Variants in STXBP6 observed in about 807,000 individuals in gnomAD.
The protein encoded by STXBP6 is syntaxin-binding protein 6.
STXBP6 carries 21 observed loss-of-function variants against 26.9 expected under a neutral mutation model. The observed-to-expected ratio is 0.78, with a 90% CI of 0.55 to 1.12. STXBP6 has a LOEUF of 1.12. Ranked by LOEUF, STXBP6 falls within the 50% of genes most tolerant of loss-of-function variation. The pLI, the probability that STXBP6 is intolerant of heterozygous loss-of-function variation, is 0.00. For synonymous variants in STXBP6, 97 were observed against 92.6 expected, an observed-to-expected ratio of 1.05 and a Z score of -0.27; for missense variants, 232 against 257.9, an observed-to-expected ratio of 0.90 and a Z score of 0.69.
chr14:24,858,280 A>G (rs1437433511), intron 2 of STXBP6, among the ~76,000 whole-genome samples: 2 of 152,050 alleles, frequency 1.3e-5, no homozygotes, highest in Non-Finnish European at 2.9e-5. Flanking sequence ...AGCTTATTGC[A>G]GTTTCATTGT....
chr14:24,825,684 G>A (rs2068260292), intron 4 of STXBP6, among the ~76,000 whole-genome samples: 1 of 152,134 alleles, frequency 6.6e-6, no homozygotes, highest in South Asian at 2.1e-4. Context: ...AAAGTCTCAG[G>A]AAAAAGCCCA....
chr14:24,901,856 G>T (rs553857420), intron 2 of STXBP6, among the ~76,000 whole-genome samples: 1 of 152,176 alleles, frequency 6.6e-6, no homozygotes, highest in East Asian at 1.9e-4. Context: ...CTGATGATAG[G>T]GGCTACTGAC....
intron 1 of STXBP6, among the ~76,000 whole-genome samples, chr14:24,986,343 T>C (rs1595256359): frequency 6.6e-6 from 1 of 152,180 alleles, no homozygotes; most frequent in African/African-American, 2.4e-5. Context: ...AGACTAACTC[T>C]GGCCAAGCTC....
chr14:24,852,881 A>G (rs918911691), intron 4 of STXBP6, among the ~76,000 whole-genome samples: 9 of 152,134 alleles, frequency 5.9e-5, no homozygotes, highest in Admixed American at 5.9e-4. Flanking sequence ...TAAGGAGCCA[A>G]TAAGTGGGCC....
intron 2 of STXBP6, among the ~76,000 whole-genome samples, chr14:24,954,736 A>C (rs1324624917): frequency 1.3e-5 from 2 of 152,228 alleles, no homozygotes; most frequent in Admixed American, 6.5e-5. Flanking sequence ...AAGGCAGTAA[A>C]ATAGTCAACC....
chr14:24,950,274 A>T (rs552797437), intron 2 of STXBP6, among the ~76,000 whole-genome samples: 1 of 152,262 alleles, frequency 6.6e-6, no homozygotes, highest in East Asian at 1.9e-4. Flanking sequence ...TCTGTTTGGT[A>T]TTATACACAG....
chr14:24,928,253 C>G (rs887095964), intron 2 of STXBP6, among the ~76,000 whole-genome samples: 4 of 152,132 alleles, frequency 2.6e-5, no homozygotes, highest in African/African-American at 9.7e-5. Flanking sequence ...GCTCCCCCAG[C>G]ACTACCATGG....
rs2069320178 is a variant in STXBP6 at position 24,856,037 on chromosome 14, G to T, written c.350C>A (p.Ser117Ter). Residue 117 changes from serine (S) to a stop codon, truncating the protein, a stop_gained, in exon 4 of 6, where the codon TCA (serine) becomes TAA (stop). Transcript: ENST00000323944. LOFTEE classifies it high-confidence loss of function. ...AFDQWVASTA[S>*]EKCTFFQILH... ...GATCTGGAAGAAGGTGCATTTTTCT[G>T]ACGCTGTGCTGGCTACCCACTGGTC... The T allele has an allele frequency of 6.2e-7, 1 of 1,611,456 alleles. No individual in the cohort carries two copies. The highest frequency in any genetic ancestry group is 1.1e-5 in the South Asian group (1 of 90,838).
Position 25,049,553 on chromosome 14 carries a change from C to T in STXBP6, c.-33+325G>A, listed in dbSNP as rs2075773534. ...CGCGGGGACGGTGCGGAAAAAAAGG[C>T]TCCATCCTCAACTTTCTCGGAGGAA... On this transcript the variant is annotated intron_variant, in intron 1 of 5. Transcript: ENST00000323944. The surrounding 1 kb of genome is among the most constrained non-coding windows in gnomAD (Gnocchi z 5.6). 7 of 985,412 alleles carry T rather than the reference C, an allele frequency of 7.1e-6. No individual in the cohort carries two copies. In the South Asian group the frequency reaches 2.8e-4, roughly 40 times the overall value. 61.0% of individuals were successfully genotyped at this position (985,412 alleles called of 1,614,324 possible).
chr14:25,048,766 G>C (rs873102), intron 1 of STXBP6, among the ~76,000 whole-genome samples: 1 of 151,972 alleles, frequency 6.6e-6, no homozygotes, highest in Non-Finnish European at 1.5e-5. Context: ...CTCTGACTAG[G>C]GCGCAGCTCT....
At chr14:25,013,986 C>A (rs1365101822) in intron 1 of STXBP6, among the ~76,000 whole-genome samples, 1 of 152,064 alleles carries the variant, frequency 6.6e-6, no homozygotes, top group East Asian at 1.9e-4. Context: ...GAGTCCTTAT[C>A]TTTTAGAGAT....
intron 1 of STXBP6, among the ~76,000 whole-genome samples, chr14:24,984,719 G>A (rs1310352955): frequency 3.3e-5 from 5 of 152,164 alleles, no homozygotes; most frequent in Non-Finnish European, 4.4e-5. Context: ...TGACATAAGA[G>A]ATGTATATAC....
intron 4 of STXBP6, among the ~76,000 whole-genome samples, chr14:24,849,908 T>C (rs533816428): frequency 1.3e-5 from 2 of 152,276 alleles, no homozygotes; most frequent in African/African-American, 4.8e-5. Flanking sequence ...CATGACTTTA[T>C]TCTTGAGAAA....
intron 2 of STXBP6, among the ~76,000 whole-genome samples, chr14:24,886,680 T>G (rs1450799359): frequency 1.3e-5 from 2 of 152,222 alleles, no homozygotes; most frequent in African/African-American, 4.8e-5. Context: ...GCCAACACTT[T>G]GTGCAGTCTG....
rs919606011 is a variant in STXBP6, at chr14:24,811,812, C to T, written c.*897G>A. 3 of 152,150 alleles carry T rather than the reference C, an allele frequency of 2.0e-5. No individual in the cohort carries two copies. Among genetic ancestry groups the T allele is most frequent in the Non-Finnish European group, 4.4e-5 (3 of 68,030 alleles). The allele number at this position is 152,150 out of a possible 1,614,324, so 9.4% of individuals were successfully genotyped here. A position where few individuals can be genotyped will look rare whatever the true frequency, so the allele number is the denominator to read the frequency against. On this transcript the variant is annotated 3_prime_UTR_variant, in exon 6 of 6. Transcript: ENST00000323944. Reference sequence around the variant, plus strand: ...AGACAAGACAAACATTTTAAATGTACTACTTGTTCACATTATCATTGACAC... The same window carrying T: ...AGACAAGACAAACATTTTAAATGTATTACTTGTTCACATTATCATTGACAC...
At chr14:24,910,051 C>T (rs1295037201) in intron 2 of STXBP6, among the ~76,000 whole-genome samples, 1 of 151,892 alleles carries the variant, frequency 6.6e-6, no homozygotes, top group Non-Finnish European at 1.5e-5. Context: ...CTGATCACAC[C>T]TCCTACCACT....
intron 1 of STXBP6, among the ~76,000 whole-genome samples, chr14:25,002,442 C>T (rs1595293517): frequency 1.4e-5 from 2 of 147,190 alleles, no homozygotes; most frequent in East Asian, 2.0e-4. Flanking sequence ...TCTCTGCAAC[C>T]TCCACCTCCT....
intron 2 of STXBP6, among the ~76,000 whole-genome samples, chr14:24,969,731 A>C (rs2073844563): frequency 6.6e-6 from 1 of 152,220 alleles, no homozygotes; most frequent in Non-Finnish European, 1.5e-5. Context: ...CAAGAATGAA[A>C]AGATAGCACA....
chr14:24,921,019 C>T (rs1439765395), intron 2 of STXBP6, among the ~76,000 whole-genome samples: 2 of 152,068 alleles, frequency 1.3e-5, no homozygotes, highest in Non-Finnish European at 2.9e-5. Context: ...GGGTTTAATA[C>T]TTAATAAATC....
Sources: gnomAD v4.1 joint callset for allele counts (sites outside exome capture counted in the v4.1 genomes callset) on GRCh38, gnomAD v4.1.1 for gene constraint, Gnocchi (gnomAD v3.1) non-coding constraint, MANE v1.5 for transcripts, NCBI Gene and HGNC (gene_info 2026-07-23, HGNC 2026-07-21) for gene names.